CDYL2: variants seen among roughly 807,000 people sequenced by gnomAD.
CDYL2 encodes the protein chromodomain Y like 2.
A neutral mutation model predicts 49.4 loss-of-function variants in CDYL2; 23 were observed. That is an observed-to-expected ratio of 0.47 (90% CI 0.34 to 0.66). The LOEUF (loss-of-function observed/expected upper bound fraction) is 0.66. CDYL2 is among the 30% of genes least tolerant of loss of function. The pLI is 0.01. For missense variants in CDYL2, 678 were observed against 656.4 expected (o/e 1.03, Z -0.36); for synonymous variants, 360 against 268.8 (o/e 1.34, Z -3.32).
rs1906058694 is a variant in CDYL2 at position 80,601,013 on chromosome 16, T to C, written c.*3375A>G. ...TAATCTATACCAAACAAGAATGATATTTTAAATCAATTCTCTACTACTTTC... is the reference window on the plus strand; with the variant it reads ...TAATCTATACCAAACAAGAATGATACTTTAAATCAATTCTCTACTACTTTC... On this transcript the variant is annotated 3_prime_UTR_variant, in exon 7 of 7. Transcript: ENST00000570137. 6.6e-6 allele frequency: 1 copy of C among 152,238 alleles called. No homozygotes were observed. The highest frequency in any genetic ancestry group is 6.5e-5 in the Admixed American group (1 of 15,286). The allele number at this position is 152,238 out of a possible 1,614,324, so 9.4% of individuals were successfully genotyped here.
intron 1 of CDYL2, among the ~76,000 whole-genome samples, chr16:80,751,789 G>C (rs187414660): frequency 2.0e-5 from 3 of 152,360 alleles, no homozygotes; most frequent in Non-Finnish European, 2.9e-5. Context: ...CACTTAGGAA[G>C]AGAGGGATAA....
intron 4 of CDYL2, among the ~76,000 whole-genome samples, chr16:80,614,940 T>A (rs977936408): frequency 6.6e-6 from 1 of 151,592 alleles, no homozygotes; most frequent in African/African-American, 2.4e-5. Context: ...TTCCCCCAAG[T>A]CTTATCAAAA....
At chr16:80,738,208 A>G (rs1047180054) in intron 1 of CDYL2, among the ~76,000 whole-genome samples, 1 of 152,044 alleles carries the variant, frequency 6.6e-6, no homozygotes, top group Admixed American at 6.5e-5. Context: ...ATCCTTTTTT[A>G]TGGCTGCATA....
chr16:80,623,649 T>C (rs1381281301), intron 3 of CDYL2, among the ~76,000 whole-genome samples: 2 of 152,204 alleles, frequency 1.3e-5, no homozygotes, highest in Non-Finnish European at 2.9e-5. Flanking sequence ...TGCTTTACGA[T>C]ATGAACTCAC....
chr16:80,786,262 T>G (rs1002904130), intron 1 of CDYL2, among the ~76,000 whole-genome samples: 3 of 151,958 alleles, frequency 2.0e-5, no homozygotes, highest in Non-Finnish European at 4.4e-5. Context: ...TAAACAAATT[T>G]ACAAGAAAAA....
Position 80,604,327 on chromosome 16 carries a change from T to C in CDYL2, c.*61A>G. On this transcript the variant is annotated 3_prime_UTR_variant, in exon 7 of 7. Coordinates refer to ENST00000570137, the MANE Select transcript of CDYL2 (RefSeq NM_152342.4). The stretch of plus-strand genomic sequence containing the variant: ...AACTCCTTGGCCGGGGCAGACACTG[T>C]GCTCTGGTTTCCGAAACACAGGGCA... The C allele has an allele frequency of 6.3e-7, 1 of 1,587,014 alleles. No individual in the cohort carries two copies. The highest frequency in any genetic ancestry group is 1.1e-5 in the South Asian group (1 of 90,400).
At chr16:80,725,767 T>C (rs1051018683) in intron 1 of CDYL2, among the ~76,000 whole-genome samples, 6 of 152,234 alleles carry the variant, frequency 3.9e-5, no homozygotes, top group African/African-American at 1.4e-4. Context: ...AGTAACGCGC[T>C]TTAGCAACAA....
intron 1 of CDYL2, among the ~76,000 whole-genome samples, chr16:80,726,429 T>C (rs1373324607): frequency 1.3e-5 from 2 of 152,216 alleles, no homozygotes; most frequent in African/African-American, 4.8e-5. Flanking sequence ...CTGAAAAAAA[T>C]TTCTAATTGC....
chr16:80,659,641 C>G (rs977681268), intron 2 of CDYL2, among the ~76,000 whole-genome samples: 3 of 144,694 alleles, frequency 2.1e-5, no homozygotes, highest in African/African-American at 8.1e-5. Flanking sequence ...TATACATATA[C>G]AGACACACAC....
chr16:80,793,248 G>A (rs565998745), intron 1 of CDYL2, among the ~76,000 whole-genome samples: 3 of 152,316 alleles, frequency 2.0e-5, no homozygotes, highest in South Asian at 2.1e-4. Flanking sequence ...GTCTTTGTGC[G>A]TGCTCAGTGT....
intron 2 of CDYL2, among the ~76,000 whole-genome samples, chr16:80,673,160 G>C (rs556308020): frequency 6.6e-6 from 1 of 151,576 alleles, no homozygotes; most frequent in South Asian, 2.1e-4. Flanking sequence ...TCTACTAAAA[G>C]TACAAAAAAA....
chr16:80,683,137 T>C (rs1910035309), intron 2 of CDYL2, among the ~76,000 whole-genome samples: 1 of 152,222 alleles, frequency 6.6e-6, no homozygotes, highest in Non-Finnish European at 1.5e-5. Context: ...CTGTGAGCCC[T>C]TCTAACCATT....
In CDYL2 at chr16:80,612,994, C is replaced by G. The variant is rs1597123045; in HGVS notation, c.1008-158G>C. On this transcript the variant is annotated intron_variant, in intron 4 of 6. Coordinates refer to ENST00000570137, the MANE Select transcript of CDYL2 (RefSeq NM_152342.4). This position sits in a 1 kb window ranked among gnomAD's most constrained non-coding sequence, Gnocchi z 5.0. The stretch of plus-strand genomic sequence containing the variant: ...CATTGCCTGGACATGGAACCACCAG[C>G]TGTCAGATTTTCTGAGGTATACTGA... 6.6e-6 allele frequency among the ~76,000 whole-genome samples: 1 copy of G among 152,136 alleles called. No homozygotes were observed. The highest frequency in any genetic ancestry group is 2.4e-5 in the African/African-American group (1 of 41,410).
intron 1 of CDYL2, among the ~76,000 whole-genome samples, chr16:80,725,302 C>T (rs1905130025): frequency 6.6e-6 from 1 of 152,192 alleles, no homozygotes; most frequent in African/African-American, 2.4e-5. Context: ...ACATCCCTGA[C>T]ATCTTAGATA....
chr16:80,702,245 A>G (rs1261008423), intron 1 of CDYL2, among the ~76,000 whole-genome samples: 1 of 151,716 alleles, frequency 6.6e-6, no homozygotes, highest in Admixed American at 6.6e-5. Context: ...GAAGAAAACA[A>G]GACAGAGGTA....
At chr16:80,702,541 G>A (rs956527080) in intron 1 of CDYL2, among the ~76,000 whole-genome samples, 10 of 152,116 alleles carry the variant, frequency 6.6e-5, no homozygotes, top group African/African-American at 2.4e-4. Context: ...TTTGAGGCCA[G>A]GAGTTTCAGA....
chr16:80,744,379 T>C (rs1040620449), intron 1 of CDYL2, among the ~76,000 whole-genome samples: 3 of 152,116 alleles, frequency 2.0e-5, no homozygotes, highest in Non-Finnish European at 4.4e-5. Context: ...CCTTCACACA[T>C]TGCATCCTTT....
At chr16:80,617,968 TG>T in intron 4 of CDYL2, among the ~76,000 whole-genome samples, 1 of 152,242 alleles carries the variant, frequency 6.6e-6, no homozygotes, top group South Asian at 2.1e-4. Context: ...CAGAGTCCCC[TG>T]GGGGTGTTGC....
At chr16:80,606,975 C>T (rs1906365422) in intron 6 of CDYL2, among the ~76,000 whole-genome samples, 3 of 152,258 alleles carry the variant, frequency 2.0e-5, no homozygotes, top group South Asian at 4.2e-4. Flanking sequence ...TACCCAGTCT[C>T]GGGTATGTCT....
Sources: allele counts gnomAD v4.1 joint callset (sites outside exome capture counted in the v4.1 genomes callset), GRCh38; gene constraint gnomAD v4.1.1; non-coding constraint Gnocchi (gnomAD v3.1); transcripts MANE v1.5; gene names NCBI Gene and HGNC (gene_info 2026-07-23, HGNC 2026-07-21).